The following PPP2R1B variants were observed in gnomAD, a reference collection of about 807,000 sequenced individuals.
The protein encoded by PPP2R1B is serine/threonine-protein phosphatase 2A 65 kDa regulatory subunit A beta isoform.
PPP2R1B carries 58 observed loss-of-function variants against 72.7 expected under a neutral mutation model. The ratio of observed to expected loss-of-function variants is 0.80; its 90% CI spans 0.65 to 0.99. The LOEUF (loss-of-function observed/expected upper bound fraction) is 0.99. Among genes scored for constraint, PPP2R1B ranks in the 50% least tolerant of loss-of-function variants. The probability of loss-of-function intolerance (pLI) is 0.00; values close to 1 mark genes in which losing one functional copy is unlikely to be tolerated. For missense variants in PPP2R1B, 695 were observed against 733.6 expected (o/e 0.95, Z 0.61); for synonymous variants, 256 against 264.6 (o/e 0.97, Z 0.32).
chr11:111,709,057 C>T, the PPP2R1B span, among the ~76,000 whole-genome samples: 1 of 152,218 alleles, frequency 6.6e-6, no homozygotes, highest in Non-Finnish European at 1.5e-5. Flanking sequence ...GCTGCCGTAA[C>T]GAAATACCAC....
At position 111,741,351 on chromosome 11, in the gene PPP2R1B, A is replaced by AT; in HGVS notation, c.*244dup. 1 of 1,337,516 alleles carries AT rather than the reference A, an allele frequency of 7.5e-7. No individual in the cohort carries two copies. Among genetic ancestry groups the AT allele is most frequent in the Middle Eastern group, 2.0e-4 (1 of 4,952 alleles). 82.9% of individuals were successfully genotyped at this position (1,337,516 alleles called of 1,614,324 possible). A position where few individuals can be genotyped will look rare whatever the true frequency, so the allele number is the denominator to read the frequency against. On this transcript the variant is annotated 3_prime_UTR_variant, in exon 15 of 15. Coordinates refer to ENST00000527614, the MANE Select transcript of PPP2R1B (RefSeq NM_002716.5). ...GTGATGGATAAAGCATTAGGAGACAATCAAGTGTCAGGAATTGGTCAATAA... is the reference window on the plus strand; with the variant it reads ...GTGATGGATAAAGCATTAGGAGACAATTCAAGTGTCAGGAATTGGTCAATAA...
chr11:111,716,864 C>G, the PPP2R1B span, among the ~76,000 whole-genome samples: 3 of 152,222 alleles, frequency 2.0e-5, no homozygotes, highest in East Asian at 5.8e-4. Flanking sequence ...AATGAGAGAA[C>G]ATTTTTGCAA....
intron 5 of PPP2R1B, among the ~76,000 whole-genome samples, chr11:111,757,889 C>T (rs552436964): frequency 1.2e-4 from 18 of 151,666 alleles, no homozygotes; most frequent in Non-Finnish European, 2.2e-4. Flanking sequence ...TTCTCTCCTA[C>T]ACCTGTTCCT....
In PPP2R1B at chr11:111,753,339, T is replaced by G. The variant is rs1019854232; in HGVS notation, c.1164+104A>C. The G allele has an allele frequency of 6.4e-6, 9 of 1,414,500 alleles. No homozygotes were observed. In the African/African-American group the frequency reaches 1.2e-4, roughly 18 times the overall value. The allele number at this position is 1,414,500 out of a possible 1,614,324, so 87.6% of individuals were successfully genotyped here. A position where few individuals can be genotyped will look rare whatever the true frequency, so the allele number is the denominator to read the frequency against. ...TGGTTTAAAATAAGTTATGATTTTT[T>G]TATCCATTTTCTTTTTGGGGGTTCT... On this transcript the variant is annotated intron_variant, in intron 9 of 14. Transcript: ENST00000527614.
At chr11:111,699,019 T>G in the PPP2R1B span, among the ~76,000 whole-genome samples, 1,011 of 152,310 alleles carry the variant, frequency 6.6e-3, 8 homozygotes, top group Middle Eastern at 0.061. Flanking sequence ...TCTAGAAAAT[T>G]AGAAATATAT....
the PPP2R1B span, among the ~76,000 whole-genome samples, chr11:111,699,337 C>CT: frequency 6.6e-6 from 1 of 152,146 alleles, no homozygotes; most frequent in African/African-American, 2.4e-5. Context: ...CTCCTATCTA[C>CT]TTTTTTGGGA....
the PPP2R1B span, among the ~76,000 whole-genome samples, chr11:111,709,185 G>C: frequency 6.6e-6 from 1 of 152,188 alleles, no homozygotes; most frequent in Non-Finnish European, 1.5e-5. Flanking sequence ...GCTTGTAGCT[G>C]GCTGTCTTTT....
At chr11:111,735,519 G>A (rs1187334620), downstream of PPP2R1B, among the ~76,000 whole-genome samples, 2 of 152,246 alleles carry the variant, frequency 1.3e-5, no homozygotes, top group African/African-American at 4.8e-5. Context: ...GCAGCAAGGT[G>A]TGGGAGGTGA....
Position 111,740,346 on chromosome 11 carries a change from T to G in PPP2R1B, c.*1250A>C, listed in dbSNP as rs1336006052. On this transcript the variant is annotated 3_prime_UTR_variant, in exon 15 of 15. Transcript: ENST00000527614. ...AATTCTCCTGCCTCAGCCTCCTGAG[T>G]AGCTGGGACTACAGGTGTGTGCCAC... 3.5e-6 allele frequency: 3 copies of G among 851,908 alleles called. No individual in the cohort carries two copies. The highest frequency in any genetic ancestry group is 4.2e-6 in the Non-Finnish European group (3 of 708,656). 52.8% of individuals were successfully genotyped at this position (851,908 alleles called of 1,614,324 possible).
At chr11:111,689,204 C>A in the PPP2R1B span, among the ~76,000 whole-genome samples, 1 of 152,028 alleles carries the variant, frequency 6.6e-6, no homozygotes, top group Non-Finnish European at 1.5e-5. Flanking sequence ...AAGTAAAGAC[C>A]AGAATATGAA....
rs551435546 is a variant in PPP2R1B, at chr11:111,755,594, T to C, written c.688-144A>G. On this transcript the variant is annotated intron_variant, in intron 5 of 14. Coordinates refer to ENST00000527614, the MANE Select transcript of PPP2R1B (RefSeq NM_002716.5). ...TTCACGTCTTGACATCTTTTTCTTT[T>C]TTTTTTTTTTTTTGAGGCAGGGTCT... is the stretch of plus-strand genomic sequence containing the variant. The C allele has an allele frequency of 2.9e-4, 182 of 620,398 alleles. No individual in the cohort carries two copies. In the African/African-American group the frequency reaches 3.1e-3, roughly 10 times the overall value. 38.4% of individuals were successfully genotyped at this position (620,398 alleles called of 1,614,324 possible).
chr11:111,739,375 T>G lies in PPP2R1B; in HGVS notation c.*2221A>C, dbSNP rs1944444232. 2.0e-6 allele frequency: 2 copies of G among 984,526 alleles called. No homozygotes were observed. The highest frequency in any genetic ancestry group is 9.4e-5 in the South Asian group (2 of 21,268). The allele number at this position is 984,526 out of a possible 1,614,324, so 61.0% of individuals were successfully genotyped here. ...AAAAAAAAATAGGAGAACTAATTCA[T>G]GGAGAACATGGCCAAGTTATGAGCC... On this transcript the variant is annotated 3_prime_UTR_variant, in exon 15 of 15. Coordinates refer to ENST00000527614, the MANE Select transcript of PPP2R1B (RefSeq NM_002716.5).
chr11:111,688,076 A>T, the PPP2R1B span: 1 of 1,614,028 alleles, frequency 6.2e-7, no homozygotes. The surrounding 1 kb of genome is among the most constrained non-coding windows in gnomAD (Gnocchi z 4.2). Context: ...TCTGCTGTTG[A>T]TTATTGTCAT....
At chr11:111,736,971 CCA>C (rs1345065425), downstream of PPP2R1B, among the ~76,000 whole-genome samples, 6 of 152,250 alleles carry the variant, frequency 3.9e-5, no homozygotes, top group Admixed American at 6.5e-5. Context: ...CACACCATTT[CCA>C]CACAGAGTGG....
rs746540864 is a variant in PPP2R1B, at chr11:111,742,146, T to A, written c.1698-2A>T. 5 of 1,608,616 alleles carry A rather than the reference T, an allele frequency of 3.1e-6. 1 individual carries two copies. The highest frequency in any genetic ancestry group is 3.3e-5 in the Admixed American group (2 of 60,022). ...GGCTTCACTTCTCCCTGTAAAGCAC[T>A]GACATTCAAAAGTATTATCTGTGAA... On this transcript the variant is annotated splice_acceptor_variant, in intron 13 of 14. Transcript: ENST00000527614. LOFTEE classifies it high-confidence loss of function.
the PPP2R1B span, among the ~76,000 whole-genome samples, chr11:111,690,152 G>T: frequency 6.6e-6 from 1 of 151,546 alleles, no homozygotes; most frequent in Admixed American, 6.6e-5. Context: ...CTTCCATTTG[G>T]TGTCATTTAT....
chr11:111,704,079 T>C, the PPP2R1B span, among the ~76,000 whole-genome samples: 3 of 152,212 alleles, frequency 2.0e-5, no homozygotes, highest in Non-Finnish European at 2.9e-5. Context: ...TGCCGCCTTG[T>C]TTGCTGTGAA....
rs782452530 is a variant in PPP2R1B at position 111,754,582 on chromosome 11, T to C, written c.959-13A>G. The C allele has an allele frequency of 4.4e-6, 7 of 1,590,130 alleles. No homozygotes were observed. The South Asian group carries it at 4.7e-5, about 11-fold the overall frequency. On this transcript the variant is annotated splice_polypyrimidine_tract_variant and intron_variant, in intron 7 of 14. Transcript: ENST00000527614. ...TTCTCACCAAGTTCTAAAAGATAAA[T>C]AGAAAAAAAGAATGCTTTCACAGGG...
At chr11:111,753,846 T>C (rs977981202) in intron 8 of PPP2R1B, among the ~76,000 whole-genome samples, 1 of 152,080 alleles carries the variant, frequency 6.6e-6, no homozygotes, top group Admixed American at 6.5e-5. Flanking sequence ...CTTGAACTCC[T>C]GGGTTCATGC....
Sources: gnomAD v4.1 joint callset for allele counts (sites outside exome capture counted in the v4.1 genomes callset) on GRCh38, gnomAD v4.1.1 for gene constraint, Gnocchi (gnomAD v3.1) non-coding constraint, MANE v1.5 for transcripts, NCBI Gene and HGNC (gene_info 2026-07-23, HGNC 2026-07-21) for gene names.